The following CATSPERT variants were observed in gnomAD, a reference collection of about 807,000 sequenced individuals.
CATSPERT encodes cation channel sperm-associated targeting subunit tau.
the CATSPERT span, among the ~76,000 whole-genome samples, chr2:201,503,759 A>C: frequency 1.5e-5 from 2 of 129,820 alleles, no homozygotes; most frequent in Admixed American, 8.4e-5. Flanking sequence ...TTGATTGATA[A>C]ATTTTTTTTT....
the CATSPERT span, chr2:201,575,250 TA>T: frequency 6.4e-7 from 1 of 1,551,238 alleles, no homozygotes; most frequent in South Asian, 1.3e-5. Flanking sequence ...TACATGCACA[TA>T]AAACTTAGGA....
At chr2:201,592,817 C>T in the CATSPERT span, among the ~76,000 whole-genome samples, 48 of 152,220 alleles carry the variant, frequency 3.2e-4, no homozygotes, top group African/African-American at 8.9e-4. Context: ...TCTGTGGGAT[C>T]GGTGGTGATA....
chr2:201,572,056 G>T, the CATSPERT span: 1 of 1,507,806 alleles, frequency 6.6e-7, no homozygotes, highest in South Asian at 1.1e-5. Flanking sequence ...GCACTGTTTA[G>T]TTTCAATTAA....
chr2:201,513,860 A>T, the CATSPERT span, among the ~76,000 whole-genome samples: 1 of 152,230 alleles, frequency 6.6e-6, no homozygotes, highest in Non-Finnish European at 1.5e-5. Context: ...CAAATCATAG[A>T]TATGTTTTCT....
At chr2:201,545,629 CAAAAAAAA>C in the CATSPERT span, 685 of 156,030 alleles carry the variant, frequency 4.4e-3, no homozygotes, top group East Asian at 7.4e-3. Context: ...TTCCTAGAAG[CAAAAAAAA>C]AAAAAAAAAA....
At chr2:201,604,689 T>C in the CATSPERT span, 24 of 1,595,846 alleles carry the variant, frequency 1.5e-5, no homozygotes, top group Non-Finnish European at 2.0e-5. Flanking sequence ...TAAGAGTTTT[T>C]CTCAGCATCT....
the CATSPERT span, among the ~76,000 whole-genome samples, chr2:201,515,202 G>GTTTTTTTTTTTTTTTTT: frequency 1.1e-3 from 27 of 24,672 alleles, 10 homozygotes; most frequent in Admixed American, 6.0e-3. Context: ...TCTGCCCATA[G>GTTTTTTTTTTTTTTTTT]TTTTTTTTTT....
At chr2:201,560,436 A>C in the CATSPERT span, among the ~76,000 whole-genome samples, 4 of 81,920 alleles carry the variant, frequency 4.9e-5, no homozygotes, top group African/African-American at 1.4e-4. Context: ...TAATAATAAT[A>C]ATAATAATAA....
the CATSPERT span, among the ~76,000 whole-genome samples, chr2:201,613,789 G>A: frequency 6.6e-6 from 1 of 152,292 alleles, no homozygotes; most frequent in Non-Finnish European, 1.5e-5. Context: ...CGAACCCATT[G>A]TAAAGAAGCT....
At chr2:201,608,477 A>C in the CATSPERT span, among the ~76,000 whole-genome samples, 36 of 152,276 alleles carry the variant, frequency 2.4e-4, 1 homozygote, top group East Asian at 5.2e-3. Context: ...TTTTAAAAAA[A>C]TCAAAATGCT....
chr2:201,562,345 G>GCCC, the CATSPERT span, among the ~76,000 whole-genome samples: 1 of 151,104 alleles, frequency 6.6e-6, no homozygotes, highest in Admixed American at 6.6e-5. Flanking sequence ...CCACCACCAC[G>GCCC]CCCGGCTAAT....
At chr2:201,497,285 C>G in the CATSPERT span, among the ~76,000 whole-genome samples, 1 of 152,202 alleles carries the variant, frequency 6.6e-6, no homozygotes, top group Non-Finnish European at 1.5e-5. Flanking sequence ...TATCGTTCCT[C>G]TCCTTCAGCC....
chr2:201,582,022 T>C, the CATSPERT span: 1 of 1,539,218 alleles, frequency 6.5e-7, no homozygotes, highest in Admixed American at 2.3e-5. Context: ...CCATCAAGTA[T>C]AATAAATCAC....
At chr2:201,529,777 T>C in the CATSPERT span, among the ~76,000 whole-genome samples, 1 of 152,068 alleles carries the variant, frequency 6.6e-6, no homozygotes, top group South Asian at 2.1e-4. Context: ...AATCAAAAGC[T>C]TCTGTACAGA....
chr2:201,502,571 C>CAA, the CATSPERT span, among the ~76,000 whole-genome samples: 16 of 94,986 alleles, frequency 1.7e-4, no homozygotes, highest in African/African-American at 4.1e-4. Context: ...GACTCCATCT[C>CAA]AAAAAAAAAA....
the CATSPERT span, among the ~76,000 whole-genome samples, chr2:201,580,396 T>C: frequency 1.5e-3 from 232 of 152,364 alleles, 1 homozygote; most frequent in Middle Eastern, 0.017. Context: ...CATTGCTAAA[T>C]ATTGACTGAA....
the CATSPERT span, among the ~76,000 whole-genome samples, chr2:201,593,895 T>A: frequency 1.3e-5 from 2 of 152,102 alleles, no homozygotes; most frequent in East Asian, 3.9e-4. Context: ...ATGGGTTTCC[T>A]GAATACAGCA....
chr2:201,524,556 T>A, the CATSPERT span, among the ~76,000 whole-genome samples: 1 of 152,038 alleles, frequency 6.6e-6, no homozygotes, highest in Admixed American at 6.5e-5. Flanking sequence ...ATAAAACAAC[T>A]ACACAATCAA....
the CATSPERT span, among the ~76,000 whole-genome samples, chr2:201,589,431 A>G: frequency 6.6e-6 from 1 of 152,152 alleles, no homozygotes; most frequent in Non-Finnish European, 1.5e-5. Context: ...AACAGAACAG[A>G]GAACCCAGAA....
Sources: gnomAD v4.1 joint callset for allele counts (sites outside exome capture counted in the v4.1 genomes callset) on GRCh38, gnomAD v4.1.1 for gene constraint, MANE v1.5 for transcripts, NCBI Gene and HGNC (gene_info 2026-07-23, HGNC 2026-07-21) for gene names.